OARD1: variants seen among roughly 807,000 people sequenced by gnomAD.
OARD1 encodes the protein O-acyl-ADP-ribose deacylase 1.
A neutral mutation model predicts 19.7 loss-of-function variants in OARD1; 19 were observed. The ratio of observed to expected loss-of-function variants is 0.96; its 90% CI spans 0.67 to 1.41. OARD1 has a LOEUF of 1.41. Among genes scored for constraint, OARD1 ranks in the 40% most tolerant of loss-of-function variants. The pLI is 0.00. For synonymous variants in OARD1, 70 were observed against 61.8 expected (o/e 1.13, Z -0.62); for missense variants, 190 against 183.8 (o/e 1.03, Z -0.20).
intron 1 of OARD1, among the ~76,000 whole-genome samples, chr6:41,095,952 T>C (rs1462272596): frequency 1.3e-5 from 2 of 152,246 alleles, no homozygotes; most frequent in Non-Finnish European, 2.9e-5. Flanking sequence ...CTTGAATTAA[T>C]AGATTCCTCC....
intron 5 of OARD1, 121 bp from the exon 6 acceptor site, chr6:41,067,558 G>A (rs111574127): frequency 1.1e-5 from 7 of 634,860 alleles, no homozygotes; most frequent in African/African-American, 5.5e-5. Context: ...ACCCTTATGG[G>A]CAACCATGGT....
rs769282285 is a variant in OARD1, at chr6:41,093,471, CTTTT to C, written c.-42+4238_-42+4241del. ...AAAGGGAACAAGAAAGGTACCCTTT[CTTTT>C]TTTTTTTTTTCCTGAGACTCAGTCT... On this transcript the variant is annotated intron_variant, in intron 1 of 4. Coordinates refer to the OARD1 transcript ENST00000480585. 5.6e-5 allele frequency among the ~76,000 whole-genome samples: 8 copies of C among 142,612 alleles called. No homozygotes were observed. The South Asian group carries it at 1.8e-3, about 32-fold the overall frequency. 93.6% of individuals were successfully genotyped at this position (142,612 alleles called of 152,430 possible).
rs1763021084 is a variant in OARD1, at chr6:41,066,674, T to C, written c.*661A>G. On this transcript the variant is annotated 3_prime_UTR_variant, in exon 6 of 6. Transcript: ENST00000424266. Reference sequence around the variant, plus strand: ...TTGACTTGTCTATTTTTATCTCTTATTTCTCACTTTGCTTCTCCTCCCGCT... The same window carrying C: ...TTGACTTGTCTATTTTTATCTCTTACTTCTCACTTTGCTTCTCCTCCCGCT... The C allele has an allele frequency of 6.6e-6, 1 of 152,234 alleles. No individual in the cohort carries two copies. The highest frequency in any genetic ancestry group is 6.5e-5 in the Admixed American group (1 of 15,286). The allele number at this position is 152,234 out of a possible 1,614,324, so 9.4% of individuals were successfully genotyped here.
chr6:41,067,888 GA>G (rs1005555051), intron 5 of OARD1, among the ~76,000 whole-genome samples: 79 of 152,272 alleles, frequency 5.2e-4, no homozygotes, highest in Admixed American at 3.8e-3. Flanking sequence ...GGAATGCTGG[GA>G]AATGGTAAGA....
intron 1 of OARD1, chr6:41,089,568 C>CT (rs1390178893): frequency 1.8e-5 from 29 of 1,594,416 alleles, no homozygotes; most frequent in Non-Finnish European, 2.5e-5. Flanking sequence ...TTTTTATGTT[C>CT]TTTTCTGCAG....
chr6:41,088,262 CAAAA>C (rs1032680425), intron 1 of OARD1, among the ~76,000 whole-genome samples: 2 of 145,808 alleles, frequency 1.4e-5, no homozygotes, highest in African/African-American at 5.0e-5. Context: ...ACTAAAAAGA[CAAAA>C]AAAAAATTAA....
rs972254972 is a variant in OARD1, at chr6:41,065,629, A to AC, written c.*1705dup. 2.6e-5 allele frequency: 4 copies of AC among 152,138 alleles called. No individual in the cohort carries two copies. Among genetic ancestry groups the AC allele is most frequent in the Non-Finnish European group, 5.9e-5 (4 of 68,020 alleles). The allele number at this position is 152,138 out of a possible 1,614,324, so 9.4% of individuals were successfully genotyped here. The stretch of plus-strand genomic sequence containing the variant: ...ATGAACTTGACCCTCCACTGCCCCT[A>AC]CCCCAACAACATGAAGAACTTGTCT... On this transcript the variant is annotated 3_prime_UTR_variant, in exon 6 of 6. Transcript: ENST00000424266.
chr6:41,087,716 T>TA (rs34732690), intron 1 of OARD1, among the ~76,000 whole-genome samples: 11,252 of 149,076 alleles, frequency 0.075, 534 homozygotes, highest in Middle Eastern at 0.13. Context: ...CTTTTGCACT[T>TA]AAAAAAAAAA....
At chr6:41,080,158 T>TA (rs1491299265) in intron 1 of OARD1, among the ~76,000 whole-genome samples, 4 of 152,260 alleles carry the variant, frequency 2.6e-5, no homozygotes, top group Middle Eastern at 3.4e-3. Flanking sequence ...GAAATAATCT[T>TA]AGTTTTGAAG....
chr6:41,067,945 T>C (rs1021111642), intron 5 of OARD1, among the ~76,000 whole-genome samples: 1 of 152,048 alleles, frequency 6.6e-6, no homozygotes, highest in South Asian at 2.1e-4. Context: ...CTGGTAAGAA[T>C]AAACTCAGTC....
At chr6:41,071,506 C>T (rs933824421) in intron 2 of OARD1, 90 bp downstream of exon 2, 7 of 1,181,238 alleles carry the variant, frequency 5.9e-6, no homozygotes, top group Non-Finnish European at 8.9e-6. Context: ...AAAGATAATG[C>T]AATCATTAAT....
intron 1 of OARD1, chr6:41,080,969 TTAGGATCTCCAG>T: frequency 7.9e-7 from 1 of 1,259,282 alleles, no homozygotes; most frequent in South Asian, 1.2e-5. Flanking sequence ...GCTGTTTGTG[TTAGGATCTCCAG>T]TAGGAATGGC....
At chr6:41,067,577 G>A in intron 5 of OARD1, 140 bp from the exon 6 acceptor site, 2 of 584,160 alleles carry the variant, frequency 3.4e-6, no homozygotes, top group Admixed American at 5.9e-5. Context: ...GTAGGAGTTT[G>A]GAAGTCAATT....
chr6:41,091,476 T>C, intron 1 of OARD1: 2 of 1,573,632 alleles, frequency 1.3e-6, no homozygotes, highest in Non-Finnish European at 1.7e-6. Flanking sequence ...GTTCCCTTCT[T>C]TCTGTTCTGT....
At chr6:41,089,723 G>C (rs1213323808) in intron 1 of OARD1, 2 of 1,609,482 alleles carry the variant, frequency 1.2e-6, no homozygotes, top group African/African-American at 1.3e-5. Flanking sequence ...AATTCCACTA[G>C]CTCTGTCACA....
At chr6:41,091,201 A>T (rs960947118) in intron 1 of OARD1, among the ~76,000 whole-genome samples, 1 of 152,246 alleles carries the variant, frequency 6.6e-6, no homozygotes, top group African/African-American at 2.4e-5. Flanking sequence ...CAGATTGCTC[A>T]TTATGTACAA....
intron 1 of OARD1, chr6:41,079,060 G>A (rs768925107): frequency 6.2e-7 from 1 of 1,607,220 alleles, no homozygotes; most frequent in Non-Finnish European, 8.5e-7. Context: ...AGGATCTCCA[G>A]AGTGGACAGG....
At chr6:41,082,550 T>C (rs1051895109) in intron 1 of OARD1, among the ~76,000 whole-genome samples, 17 of 152,216 alleles carry the variant, frequency 1.1e-4, no homozygotes, top group African/African-American at 3.9e-4. Flanking sequence ...GATGAATAGA[T>C]AGAAAATTAT....
intron 1 of OARD1, among the ~76,000 whole-genome samples, chr6:41,078,513 A>T (rs931336265): frequency 6.6e-6 from 1 of 152,184 alleles, no homozygotes; most frequent in African/African-American, 2.4e-5. Context: ...TGAAGTCTTT[A>T]TTAAAGGTTC....
Sources: gnomAD v4.1 joint callset for allele counts (sites outside exome capture counted in the v4.1 genomes callset) on GRCh38, gnomAD v4.1.1 for gene constraint, MANE v1.5 for transcripts, NCBI Gene and HGNC (gene_info 2026-07-23, HGNC 2026-07-21) for gene names.